Variants in NWD2 observed in about 807,000 individuals in gnomAD.
NWD2 encodes the protein NACHT and WD repeat domain-containing protein 2.
Under a neutral mutation model 132.7 loss-of-function variants are expected in NWD2, and 37 were observed. The observed-to-expected ratio is 0.28, with a 90% confidence interval of 0.21 to 0.37. The LOEUF (loss-of-function observed/expected upper bound fraction) is 0.37. NWD2 is among the 10% of genes least tolerant of loss of function. The pLI, the probability that NWD2 is intolerant of heterozygous loss-of-function variation, is 1.00. For synonymous variants in NWD2, 705 were observed against 803.0 expected (o/e 0.88, Z 2.06); for missense variants, 1,592 against 2,122.4 (o/e 0.75, Z 4.91).
chr4:37,338,179 A>G (rs1004710030), intron 2 of NWD2, among the ~76,000 whole-genome samples: 1 of 152,232 alleles, frequency 6.6e-6, no homozygotes, highest in African/African-American at 2.4e-5. Context: ...CATTGAGTCT[A>G]AGATGCATGG....
chr4:37,406,437 G>C (rs959024910), intron 3 of NWD2, among the ~76,000 whole-genome samples: 7 of 152,140 alleles, frequency 4.6e-5, no homozygotes, highest in African/African-American at 1.7e-4. Flanking sequence ...CCCATTACTA[G>C]GTATACACCC....
chr4:37,279,329 C>T (rs1286681625), intron 1 of NWD2, among the ~76,000 whole-genome samples: 1 of 152,136 alleles, frequency 6.6e-6, no homozygotes, highest in Admixed American at 6.6e-5. Flanking sequence ...TATTACGTAA[C>T]AGTAACACTA....
At chr4:37,326,984 G>A (rs1719185863) in intron 2 of NWD2, among the ~76,000 whole-genome samples, 1 of 152,134 alleles carries the variant, frequency 6.6e-6, no homozygotes, top group African/African-American at 2.4e-5. Flanking sequence ...AGACCATGAT[G>A]ACACACACAT....
chr4:37,406,560 G>A (rs1458383701), intron 3 of NWD2, among the ~76,000 whole-genome samples: 2 of 152,120 alleles, frequency 1.3e-5, no homozygotes, highest in Non-Finnish European at 2.9e-5. Flanking sequence ...ATGAATGATA[G>A]AATGGATAAA....
intron 3 of NWD2, among the ~76,000 whole-genome samples, chr4:37,361,330 C>G (rs1719977393): frequency 6.6e-6 from 1 of 152,022 alleles, no homozygotes; most frequent in Admixed American, 6.6e-5. Flanking sequence ...TCTTAAAAAC[C>G]AGCATCACCC....
At chr4:37,400,491 A>G (rs1204679395) in intron 3 of NWD2, among the ~76,000 whole-genome samples, 1 of 152,224 alleles carries the variant, frequency 6.6e-6, no homozygotes, top group Non-Finnish European at 1.5e-5. Flanking sequence ...TTCACTTAGA[A>G]GGACCATTTT....
At chr4:37,379,872 A>G (rs1720418493) in intron 3 of NWD2, among the ~76,000 whole-genome samples, 1 of 152,186 alleles carries the variant, frequency 6.6e-6, no homozygotes, top group Non-Finnish European at 1.5e-5. Flanking sequence ...TCCATAGAAT[A>G]CAACTGGAAG....
At chr4:37,321,928 A>T (rs1033525436) in intron 1 of NWD2, among the ~76,000 whole-genome samples, 1 of 152,180 alleles carries the variant, frequency 6.6e-6, no homozygotes, top group African/African-American at 2.4e-5. Context: ...ACAAACACAG[A>T]AACCAGAGAA....
chr4:37,274,737 T>C (rs1577651906), intron 1 of NWD2, among the ~76,000 whole-genome samples: 1 of 152,116 alleles, frequency 6.6e-6, no homozygotes, highest in East Asian at 1.9e-4. Context: ...TCCACCATGA[T>C]CAAGTGGGCT....
chr4:37,429,890 A>G (rs1210452229), intron 3 of NWD2, among the ~76,000 whole-genome samples: 1 of 152,208 alleles, frequency 6.6e-6, no homozygotes, highest in Non-Finnish European at 1.5e-5. Flanking sequence ...CTCTGAATAC[A>G]TATTGCCTGA....
intron 3 of NWD2, among the ~76,000 whole-genome samples, chr4:37,381,867 G>A (rs1720460978): frequency 6.6e-6 from 1 of 152,222 alleles, no homozygotes. Flanking sequence ...CTATGAAGTA[G>A]TTAAGTCACA....
At chr4:37,332,730 T>A (rs1396227565) in intron 2 of NWD2, among the ~76,000 whole-genome samples, 2 of 152,190 alleles carry the variant, frequency 1.3e-5, no homozygotes, top group African/African-American at 4.8e-5. Flanking sequence ...GGGAAATTTA[T>A]CTGGCAGTTT....
Position 37,445,102 on chromosome 4 carries a change from T to G in NWD2, c.3114T>G (p.Asn1038Lys). The part of the protein sequence containing the change: ...TTNNTLLIYD[N>K]VNSCLLSEVE... The stretch of plus-strand genomic sequence containing the variant: ...ATAACACCTTGTTGATTTATGACAA[T>G]GTCAATTCTTGCCTCCTGTCTGAAG... The change falls in exon 7 of 7, where the codon AAT becomes AAG. Residue 1038 changes from asparagine (N) to lysine (K), a missense_variant. This residue lies in a region of NWD2 where 1,071 missense variants were observed against 1,398.0 expected (regional missense o/e 0.77). Coordinates refer to ENST00000309447, the MANE Select transcript of NWD2 (RefSeq NM_001144990.2). The surrounding 1 kb of genome is among the most constrained non-coding windows in gnomAD (Gnocchi z 4.7). The G allele has an allele frequency of 6.4e-7, 1 of 1,551,888 alleles. No homozygotes were observed. Among genetic ancestry groups the G allele is most frequent in the Non-Finnish European group, 8.7e-7 (1 of 1,147,052 alleles).
intron 3 of NWD2, among the ~76,000 whole-genome samples, chr4:37,412,687 GA>G (rs35341278): frequency 0.55 from 83,991 of 151,660 alleles, 24,248 homozygotes; most frequent in East Asian, 0.75. Flanking sequence ...TCCTGGGCAA[GA>G]AAGAATAAAG....
intron 2 of NWD2, among the ~76,000 whole-genome samples, chr4:37,347,788 T>C (rs922518406): frequency 5.9e-5 from 9 of 152,200 alleles, no homozygotes; most frequent in African/African-American, 2.2e-4. Flanking sequence ...AAATTAACCT[T>C]CATATTTACC....
chr4:37,430,898 C>G (rs1712158871), intron 4 of NWD2, 123 bp downstream of exon 4: 2 of 776,464 alleles, frequency 2.6e-6, no homozygotes, highest in South Asian at 1.9e-5. Context: ...TGCCCTAGGC[C>G]CCAGGTTTTC....
intron 2 of NWD2, among the ~76,000 whole-genome samples, chr4:37,337,272 G>A (rs1343694309): frequency 1.3e-5 from 2 of 152,198 alleles, no homozygotes; most frequent in East Asian, 1.9e-4. Context: ...CTTAGTGGGT[G>A]TCATATGTTA....
chr4:37,257,647 TA>T (rs1225384171), intron 1 of NWD2, among the ~76,000 whole-genome samples: 1 of 152,150 alleles, frequency 6.6e-6, no homozygotes, highest in Non-Finnish European at 1.5e-5. Context: ...ACTTCCTTCT[TA>T]AAAAAACTAT....
chr4:37,312,375 T>G (rs866764345), intron 1 of NWD2, among the ~76,000 whole-genome samples: 6 of 150,798 alleles, frequency 4.0e-5, no homozygotes, highest in African/African-American at 1.2e-4. Context: ...CTAGGTATTT[T>G]ATTCTCTTTG....
Sources: allele counts gnomAD v4.1 joint callset (sites outside exome capture counted in the v4.1 genomes callset), GRCh38; gene constraint gnomAD v4.1.1; regional missense constraint gnomAD v4.1.1; non-coding constraint Gnocchi (gnomAD v3.1); transcripts MANE v1.5; gene names NCBI Gene and HGNC (gene_info 2026-07-23, HGNC 2026-07-21).